Variants in GFRA1 observed in about 807,000 individuals in gnomAD.
GFRA1 encodes GDNF family receptor alpha-1.
Under a neutral mutation model 51.6 loss-of-function variants are expected in GFRA1, and 16 were observed. The ratio of observed to expected loss-of-function variants is 0.31; its 90% CI spans 0.21 to 0.47. The LOEUF is 0.47. GFRA1 is among the 20% of genes least tolerant of loss of function. The pLI is 1.00. For missense variants in GFRA1, 530 were observed against 594.3 expected, an observed-to-expected ratio of 0.89 and a Z score of 1.13; for synonymous variants, 270 against 241.3, an observed-to-expected ratio of 1.12 and a Z score of -1.10.
intron 5 of GFRA1, among the ~76,000 whole-genome samples, chr10:116,162,844 C>T (rs1227790052): frequency 3.3e-5 from 5 of 152,114 alleles, no homozygotes; most frequent in African/African-American, 9.7e-5. Flanking sequence ...AAAGTCCTTG[C>T]AAGAGTTGTG....
intron 5 of GFRA1, among the ~76,000 whole-genome samples, chr10:116,198,682 G>T (rs1232606840): frequency 6.6e-6 from 1 of 151,986 alleles, no homozygotes; most frequent in Non-Finnish European, 1.5e-5. Context: ...CTTCCTCAGG[G>T]TGTCCTCCCT....
At chr10:116,114,491 C>T (rs558680367) in intron 6 of GFRA1, among the ~76,000 whole-genome samples, 24 of 152,302 alleles carry the variant, frequency 1.6e-4, no homozygotes, top group African/African-American at 5.5e-4. Flanking sequence ...TTCCACATGA[C>T]GTTTAGTGCT....
chr10:116,126,029 A>G (rs1957859047), intron 5 of GFRA1, among the ~76,000 whole-genome samples: 1 of 152,254 alleles, frequency 6.6e-6, no homozygotes, highest in African/African-American at 2.4e-5. Flanking sequence ...ATGATTACAC[A>G]GTAATTACAT....
intron 4 of GFRA1, among the ~76,000 whole-genome samples, chr10:116,264,548 T>C (rs1969521258): frequency 6.6e-6 from 1 of 152,220 alleles, no homozygotes. Context: ...AAGAGCACGA[T>C]GGAGCATGAG....
chr10:116,066,603 A>C (rs1439427196), intron 9 of GFRA1, among the ~76,000 whole-genome samples: 2 of 152,240 alleles, frequency 1.3e-5, no homozygotes, highest in African/African-American at 4.8e-5. Flanking sequence ...AGCCCAGAGA[A>C]GTTAAGTGAC....
intron 5 of GFRA1, among the ~76,000 whole-genome samples, chr10:116,127,717 T>C (rs1043216901): frequency 3.9e-5 from 6 of 152,248 alleles, no homozygotes; most frequent in Non-Finnish European, 7.3e-5. Flanking sequence ...CACCAGGGCC[T>C]CTGGGCCTTG....
At chr10:116,176,354 G>T (rs1433178771) in intron 5 of GFRA1, among the ~76,000 whole-genome samples, 1 of 152,090 alleles carries the variant, frequency 6.6e-6, no homozygotes, top group African/African-American at 2.4e-5. Flanking sequence ...ATCCCATTTT[G>T]AGATGTAAAC....
At chr10:116,219,740 G>C (rs1436454150) in intron 4 of GFRA1, among the ~76,000 whole-genome samples, 1 of 152,204 alleles carries the variant, frequency 6.6e-6, no homozygotes, top group Non-Finnish European at 1.5e-5. Flanking sequence ...TATATGCAAA[G>C]GGCTGAAGAG....
chr10:116,143,334 T>TAAA (rs34109837), intron 5 of GFRA1, among the ~76,000 whole-genome samples: 6 of 144,464 alleles, frequency 4.2e-5, no homozygotes, highest in Non-Finnish European at 7.5e-5. Flanking sequence ...TTTTTTTAAT[T>TAAA]AAAAAAAAAA....
intron 5 of GFRA1, among the ~76,000 whole-genome samples, chr10:116,195,555 T>C (rs549719817): frequency 4.6e-5 from 7 of 152,336 alleles, no homozygotes; most frequent in South Asian, 4.1e-4. Context: ...ATGAATCTAA[T>C]GCCACTGCTG....
chr10:116,274,643 G>C (rs771237997), upstream of GFRA1, among the ~76,000 whole-genome samples: 1 of 152,064 alleles, frequency 6.6e-6, no homozygotes, highest in African/African-American at 2.4e-5. Flanking sequence ...CCCCAAACCC[G>C]GGGGACATCC....
At chr10:116,218,054 T>C (rs575460491) in intron 4 of GFRA1, among the ~76,000 whole-genome samples, 2 of 152,264 alleles carry the variant, frequency 1.3e-5, no homozygotes, top group African/African-American at 4.8e-5. Flanking sequence ...TTTCAGATAT[T>C]ACCTATGAAT....
chr10:116,258,314 C>G (rs371872233), intron 4 of GFRA1, among the ~76,000 whole-genome samples: 3 of 149,040 alleles, frequency 2.0e-5, no homozygotes, highest in South Asian at 4.2e-4. Flanking sequence ...CTTACCTCTT[C>G]TTCTCTTCAT....
At chr10:116,165,732 G>C (rs1158357569) in intron 5 of GFRA1, among the ~76,000 whole-genome samples, 2 of 151,988 alleles carry the variant, frequency 1.3e-5, no homozygotes, top group African/African-American at 4.8e-5. Context: ...GGGAAAGAGA[G>C]AGACAGAGAG....
At chr10:116,100,537 A>C (rs1956778805) in intron 6 of GFRA1, among the ~76,000 whole-genome samples, 1 of 152,226 alleles carries the variant, frequency 6.6e-6, no homozygotes, top group African/African-American at 2.4e-5. Flanking sequence ...GTGATGGGAA[A>C]ATATGCTGAT....
chr10:116,184,099 A>G (rs554231776), intron 5 of GFRA1, among the ~76,000 whole-genome samples: 1 of 152,334 alleles, frequency 6.6e-6, no homozygotes, highest in East Asian at 1.9e-4. Context: ...TCTTCTAAGA[A>G]AGTCATTTGT....
Position 116,096,771 on chromosome 10 carries a change from T to C in GFRA1, c.771-7A>G, listed in dbSNP as rs1009504812. The stretch of plus-strand genomic sequence containing the variant: ...AAAATCCGCAAGGCGAGATCTACAA[T>C]AGGAAAAAAGGGGTGGGGGGTGGAA... On this transcript the variant is annotated splice_polypyrimidine_tract_variant and splice_region_variant and intron_variant, in intron 6 of 10. Transcript: ENST00000355422. 1.3e-6 allele frequency: 2 copies of C among 1,534,264 alleles called. No individual in the cohort carries two copies. Among genetic ancestry groups the C allele is most frequent in the East Asian group, 2.2e-5 (1 of 44,478 alleles).
At chr10:116,197,576 A>G (rs951381802) in intron 5 of GFRA1, among the ~76,000 whole-genome samples, 1 of 152,300 alleles carries the variant, frequency 6.6e-6, no homozygotes, top group Admixed American at 6.5e-5. Context: ...ATACACGTGC[A>G]CACACACAGA....
At chr10:116,181,923 G>A (rs1378128235) in intron 5 of GFRA1, among the ~76,000 whole-genome samples, 2 of 152,216 alleles carry the variant, frequency 1.3e-5, no homozygotes, top group South Asian at 2.1e-4. Context: ...GATTACAGGC[G>A]TGAGCCACTG....
Sources: allele counts gnomAD v4.1 joint callset (sites outside exome capture counted in the v4.1 genomes callset), GRCh38; gene constraint gnomAD v4.1.1; transcripts MANE v1.5; gene names NCBI Gene and HGNC (gene_info 2026-07-23, HGNC 2026-07-21).